Variants in SGCZ observed in about 807,000 individuals in gnomAD.
The protein encoded by SGCZ is sarcoglycan zeta.
Under a neutral mutation model 41.3 loss-of-function variants are expected in SGCZ, and 40 were observed. That is an observed-to-expected ratio of 0.97 (90% CI 0.75 to 1.26). The LOEUF is 1.26. Among genes scored for constraint, SGCZ ranks in the 50% most tolerant of loss-of-function variants. SGCZ has a pLI of 0.00. For missense variants in SGCZ, 552 were observed against 369.8 expected (o/e 1.49, Z -4.04); for synonymous variants, 206 against 137.5 (o/e 1.50, Z -3.49).
In SGCZ at chr8:14,646,699, T is replaced by A. The variant is rs1315083173; in HGVS notation, c.40-91773A>T. 2.6e-5 allele frequency among the ~76,000 whole-genome samples: 4 copies of A among 151,988 alleles called. No homozygotes were observed. The East Asian group carries it at 7.7e-4, about 29-fold the overall frequency. The stretch of plus-strand genomic sequence containing the variant: ...TACAAGTATTTTGTCTAAAAGTTGG[T>A]CTTTGGAAAATACTAGTAGAAATAT... On this transcript the variant is annotated intron_variant, in intron 1 of 7. Coordinates refer to ENST00000382080, the MANE Select transcript of SGCZ (RefSeq NM_139167.4).
chr8:14,423,083 G>C (rs544207354), intron 2 of SGCZ, among the ~76,000 whole-genome samples: 10 of 151,858 alleles, frequency 6.6e-5, no homozygotes, highest in Admixed American at 5.3e-4. Flanking sequence ...GAACCCATGA[G>C]TGTTCATAGG....
At chr8:14,281,282 T>C (rs1420341763) in intron 3 of SGCZ, among the ~76,000 whole-genome samples, 2 of 152,000 alleles carry the variant, frequency 1.3e-5, no homozygotes, top group Admixed American at 6.6e-5. Flanking sequence ...ATAATATTAG[T>C]ATTTGTTTCA....
chr8:14,442,232 T>C (rs769340743), intron 2 of SGCZ, among the ~76,000 whole-genome samples: 34 of 152,298 alleles, frequency 2.2e-4, no homozygotes, highest in African/African-American at 5.8e-4. Context: ...TGGCAGGTAA[T>C]TGAATCATGA....
At chr8:14,491,458 T>A (rs1398525680) in intron 2 of SGCZ, among the ~76,000 whole-genome samples, 1 of 152,208 alleles carries the variant, frequency 6.6e-6, no homozygotes, top group Admixed American at 6.5e-5. Flanking sequence ...TAACTAGTGG[T>A]TGGACACTAT....
At chr8:15,213,020 A>G (rs1307870208) in intron 1 of SGCZ, among the ~76,000 whole-genome samples, 1 of 152,048 alleles carries the variant, frequency 6.6e-6, no homozygotes, top group East Asian at 1.9e-4. Context: ...AAGTGATAAA[A>G]TTAACAATTT....
intron 2 of SGCZ, among the ~76,000 whole-genome samples, chr8:14,484,101 T>G (rs1174767287): frequency 6.6e-6 from 1 of 152,202 alleles, no homozygotes; most frequent in Non-Finnish European, 1.5e-5. Flanking sequence ...CTCTAAAGAT[T>G]GAAACAATTC....
chr8:14,574,978 A>G (rs1585092872), intron 1 of SGCZ, among the ~76,000 whole-genome samples: 2 of 152,342 alleles, frequency 1.3e-5, no homozygotes, highest in South Asian at 2.1e-4. Flanking sequence ...AACGGTTTTC[A>G]TTAAAAGAGG....
intron 1 of SGCZ, among the ~76,000 whole-genome samples, chr8:14,997,123 G>A (rs751247568): frequency 3.7e-4 from 57 of 152,196 alleles, no homozygotes; most frequent in Non-Finnish European, 5.1e-4. Flanking sequence ...TTTACTCCAC[G>A]ATTGCATATC....
intron 5 of SGCZ, among the ~76,000 whole-genome samples, chr8:14,118,837 G>C (rs1202792342): frequency 6.6e-6 from 1 of 152,146 alleles, no homozygotes; most frequent in Non-Finnish European, 1.5e-5. Flanking sequence ...CCAATTGCTT[G>C]TTTTTGTCAG....
At chr8:14,940,247 A>G (rs1259748115) in intron 1 of SGCZ, among the ~76,000 whole-genome samples, 1 of 152,200 alleles carries the variant, frequency 6.6e-6, no homozygotes, top group Non-Finnish European at 1.5e-5. Context: ...TAGCAGTAAC[A>G]TGCCCACATT....
At chr8:14,971,431 T>C (rs944243889) in intron 1 of SGCZ, among the ~76,000 whole-genome samples, 1 of 152,088 alleles carries the variant, frequency 6.6e-6, no homozygotes, top group Non-Finnish European at 1.5e-5. Flanking sequence ...CTCTATCATT[T>C]TGAGAAACTG....
chr8:14,395,923 A>T (rs1317675136), intron 2 of SGCZ, among the ~76,000 whole-genome samples: 1 of 152,230 alleles, frequency 6.6e-6, no homozygotes, highest in African/African-American at 2.4e-5. Flanking sequence ...CCTTTGTAGC[A>T]GAGGACAATT....
chr8:15,079,849 C>T (rs1805675549), intron 1 of SGCZ, among the ~76,000 whole-genome samples: 1 of 152,068 alleles, frequency 6.6e-6, no homozygotes, highest in Non-Finnish European at 1.5e-5. Context: ...AACATAGTAC[C>T]CGATAGGTAA....
intron 1 of SGCZ, among the ~76,000 whole-genome samples, chr8:14,624,927 A>G (rs1220440602): frequency 6.6e-6 from 1 of 152,148 alleles, no homozygotes; most frequent in Non-Finnish European, 1.5e-5. Context: ...CACAAAAGGT[A>G]TAGATCGTCC....
chr8:14,421,843 TATTTA>T (rs1489818814), intron 2 of SGCZ, among the ~76,000 whole-genome samples: 1 of 152,156 alleles, frequency 6.6e-6, no homozygotes, highest in African/African-American at 2.4e-5. Flanking sequence ...AAAAATAGTT[TATTTA>T]AAGAGGAAAA....
intron 1 of SGCZ, among the ~76,000 whole-genome samples, chr8:14,897,470 T>A (rs1473593404): frequency 6.6e-6 from 1 of 152,180 alleles, no homozygotes; most frequent in Non-Finnish European, 1.5e-5. Context: ...TTCTGGACGG[T>A]TTGGCTCTTC....
At chr8:14,357,490 G>A (rs1400265361) in intron 2 of SGCZ, among the ~76,000 whole-genome samples, 4 of 152,114 alleles carry the variant, frequency 2.6e-5, no homozygotes, top group Admixed American at 6.5e-5. Context: ...GAATGCTATC[G>A]CAGTATGCAG....
intron 2 of SGCZ, among the ~76,000 whole-genome samples, chr8:14,519,803 C>A (rs921549136): frequency 1.3e-5 from 2 of 151,986 alleles, no homozygotes; most frequent in Non-Finnish European, 2.9e-5. Flanking sequence ...TTCATTGTTA[C>A]ACTTTCTAAC....
At chr8:15,078,769 T>C (rs17655367) in intron 1 of SGCZ, among the ~76,000 whole-genome samples, 8,744 of 151,608 alleles carry the variant, frequency 0.058, 624 homozygotes, top group East Asian at 0.28. Context: ...ATCCACTATA[T>C]GGTCTTTGAC....
Sources: gnomAD v4.1 joint callset for allele counts (sites outside exome capture counted in the v4.1 genomes callset) on GRCh38, gnomAD v4.1.1 for gene constraint, MANE v1.5 for transcripts, NCBI Gene and HGNC (gene_info 2026-07-23, HGNC 2026-07-21) for gene names.